Variants in SEMA5A observed in about 807,000 individuals in gnomAD.
The protein encoded by SEMA5A is semaphorin 5A.
Under a neutral mutation model 135.5 loss-of-function variants are expected in SEMA5A, and 55 were observed. That is an observed-to-expected ratio of 0.41 (90% CI 0.33 to 0.51). The LOEUF is 0.51. SEMA5A is among the 20% of genes least tolerant of loss of function. The probability of loss-of-function intolerance (pLI) is 0.37; values close to 1 mark genes in which losing one functional copy is unlikely to be tolerated. For missense variants in SEMA5A, 1,290 were observed against 1,419.9 expected, an observed-to-expected ratio of 0.91 and a Z score of 1.47; for synonymous variants, 580 against 546.5, an observed-to-expected ratio of 1.06 and a Z score of -0.85.
intron 3 of SEMA5A, among the ~76,000 whole-genome samples, chr5:9,379,157 C>T (rs13165276): frequency 0.043 from 6,572 of 152,210 alleles, 197 homozygotes; most frequent in Middle Eastern, 0.075. Context: ...TATAAAACCA[C>T]TTGTTGCATG....
At chr5:9,045,665 A>G (rs1343968672) in intron 21 of SEMA5A, 1 of 152,208 alleles carries the variant, frequency 6.6e-6, no homozygotes, top group Non-Finnish European at 1.5e-5. Context: ...CTTGTCAAGA[A>G]AATGGTTTAC....
Position 9,318,366 on chromosome 5 carries a change from A to T in SEMA5A, c.270+6T>A, listed in dbSNP as rs1196825869. 1 of 1,611,144 alleles carries T rather than the reference A, an allele frequency of 6.2e-7. No homozygotes were observed. The highest frequency in any genetic ancestry group is 8.5e-7 in the Non-Finnish European group (1 of 1,178,718). ...TGAAAGCTTGAGAAAAATAAATTGC[A>T]CCTACCTGGATAAGAGACAGATCCT... On this transcript the variant is annotated splice_donor_region_variant and intron_variant, in intron 5 of 22. Transcript: ENST00000382496.
chr5:9,366,034 C>G (rs940652140), intron 3 of SEMA5A, among the ~76,000 whole-genome samples: 2 of 152,192 alleles, frequency 1.3e-5, no homozygotes, highest in Non-Finnish European at 2.9e-5. Context: ...ATTAGACTAA[C>G]TATCTATTAC....
intron 11 of SEMA5A, among the ~76,000 whole-genome samples, chr5:9,182,166 A>G (rs886180629): frequency 7.1e-6 from 1 of 141,062 alleles, no homozygotes; most frequent in African/African-American, 2.7e-5. Context: ...ACCCCAAAAA[A>G]AAATACGCTT....
intron 3 of SEMA5A, among the ~76,000 whole-genome samples, chr5:9,345,052 C>T (rs1753802535): frequency 6.6e-6 from 1 of 152,112 alleles, no homozygotes; most frequent in Admixed American, 6.5e-5. Flanking sequence ...CTGAACCTCA[C>T]CTAACACCGG....
intron 1 of SEMA5A, among the ~76,000 whole-genome samples, chr5:9,477,421 G>C (rs984471568): frequency 1.3e-5 from 2 of 152,186 alleles, no homozygotes; most frequent in Non-Finnish European, 2.9e-5. Context: ...CAGAAGACAG[G>C]AAGATGGGGG....
chr5:9,155,501 G>C (rs180897253), intron 11 of SEMA5A, among the ~76,000 whole-genome samples: 1 of 151,060 alleles, frequency 6.6e-6, no homozygotes, highest in African/African-American at 2.5e-5. Flanking sequence ...GCTGCACCCC[G>C]CAACTCCTTG....
intron 16 of SEMA5A, among the ~76,000 whole-genome samples, chr5:9,104,838 C>G (rs1739820343): frequency 6.6e-6 from 1 of 152,188 alleles, no homozygotes. Context: ...TGGGTTTAGC[C>G]TACTTGGAAG....
At chr5:9,116,013 T>C (rs253651) in intron 15 of SEMA5A, among the ~76,000 whole-genome samples, 45,877 of 151,996 alleles carry the variant, frequency 0.3, 7,337 homozygotes, top group African/African-American at 0.38. Context: ...GGTCTCTAAA[T>C]AACAACTATG....
intron 1 of SEMA5A, among the ~76,000 whole-genome samples, chr5:9,502,820 G>C (rs966818863): frequency 1.3e-5 from 2 of 152,142 alleles, no homozygotes; most frequent in African/African-American, 2.4e-5. Context: ...GTTCTAATTG[G>C]GGGAAGGACA....
At chr5:9,458,804 C>T (rs1308647710) in intron 1 of SEMA5A, among the ~76,000 whole-genome samples, 4 of 152,302 alleles carry the variant, frequency 2.6e-5, no homozygotes, top group East Asian at 1.9e-4. Context: ...CAATGACAAA[C>T]GACAGATACA....
At chr5:9,232,949 G>C (rs924283207) in intron 6 of SEMA5A, among the ~76,000 whole-genome samples, 2 of 152,192 alleles carry the variant, frequency 1.3e-5, no homozygotes, top group Non-Finnish European at 2.9e-5. Context: ...AGGTAGTATG[G>C]TGTCATGAGT....
chr5:9,303,649 G>A (rs1245438252), intron 5 of SEMA5A, among the ~76,000 whole-genome samples: 1 of 152,046 alleles, frequency 6.6e-6, no homozygotes, highest in Non-Finnish European at 1.5e-5. Flanking sequence ...TGATGAATAA[G>A]CTAAATACCC....
intron 1 of SEMA5A, among the ~76,000 whole-genome samples, chr5:9,508,147 C>A (rs1282463600): frequency 6.6e-6 from 1 of 152,070 alleles, no homozygotes; most frequent in Non-Finnish European, 1.5e-5. Context: ...TACAAAGCTT[C>A]GAATTTATCA....
chr5:9,251,294 C>T (rs1433358072), intron 5 of SEMA5A, among the ~76,000 whole-genome samples: 2 of 152,074 alleles, frequency 1.3e-5, no homozygotes, highest in African/African-American at 4.8e-5. Flanking sequence ...AATCTAACAG[C>T]AGAAAAAGTG....
chr5:9,195,681 G>A (rs1745350825), intron 10 of SEMA5A, among the ~76,000 whole-genome samples: 1 of 152,212 alleles, frequency 6.6e-6, no homozygotes, highest in South Asian at 2.1e-4. Flanking sequence ...AAGATGACAT[G>A]TAAGCCAGCC....
At chr5:9,520,238 G>C (rs1736748576) in intron 1 of SEMA5A, among the ~76,000 whole-genome samples, 1 of 152,230 alleles carries the variant, frequency 6.6e-6, no homozygotes, top group Non-Finnish European at 1.5e-5. Context: ...GCCAGGCACT[G>C]TTGTCAGGAC....
chr5:9,526,657 G>A (rs1447730104), intron 1 of SEMA5A, among the ~76,000 whole-genome samples: 4 of 152,180 alleles, frequency 2.6e-5, no homozygotes, highest in Admixed American at 2.0e-4. Context: ...GAGAAGCCCC[G>A]GAGCAGCTTG....
intron 2 of SEMA5A, among the ~76,000 whole-genome samples, chr5:9,388,497 G>A (rs1336566243): frequency 1.3e-5 from 2 of 149,930 alleles, no homozygotes; most frequent in Non-Finnish European, 3.0e-5. Flanking sequence ...AAAGAAAAAA[G>A]TACTTAAATA....
Sources: allele counts gnomAD v4.1 joint callset (sites outside exome capture counted in the v4.1 genomes callset), GRCh38; gene constraint gnomAD v4.1.1; transcripts MANE v1.5; gene names NCBI Gene and HGNC (gene_info 2026-07-23, HGNC 2026-07-21).